Variants in CCNF observed in about 807,000 individuals in gnomAD.
The protein encoded by CCNF is cyclin F, also known as cyclin-F.
CCNF carries 30 observed loss-of-function variants against 85.4 expected under a neutral mutation model. The ratio of observed to expected loss-of-function variants is 0.35; its 90% CI spans 0.26 to 0.48. CCNF has a LOEUF of 0.48. Ranked by LOEUF, CCNF falls within the 20% of genes least tolerant of loss-of-function variation. The probability of loss-of-function intolerance (pLI) is 0.99; values close to 1 mark genes in which losing one functional copy is unlikely to be tolerated. For missense variants in CCNF, 919 were observed against 1,010.4 expected (o/e 0.91, Z 1.23); for synonymous variants, 439 against 425.1 (o/e 1.03, Z -0.40).
chr16:2,439,481 G>T, intron 7 of CCNF, 24 bp downstream of exon 7: 3 of 1,528,400 alleles, frequency 2.0e-6, no homozygotes, highest in East Asian at 2.3e-5. Context: ...GCTCTGGGTC[G>T]GGGGGAGTTA....
At position 2,456,697 on chromosome 16, in the gene CCNF, A is replaced by G; in HGVS notation, c.2038A>G (p.Thr680Ala). 6.2e-7 allele frequency: 1 copy of G among 1,613,250 alleles called. No homozygotes were observed. Among genetic ancestry groups the G allele is most frequent in the South Asian group, 1.1e-5 (1 of 91,046 alleles). The part of the protein sequence containing the change: ...ALALDTQIPA[T>A]PGPKPLVRTS... The stretch of plus-strand genomic sequence containing the variant: ...GGCGCTGGACACCCAGATCCCTGCA[A>G]CCCCTGGACCCAAACCCCTGGTCCG... Residue 680 changes from threonine to alanine, a missense_variant, in exon 17 of 17, where the codon ACC (threonine) becomes GCC (alanine). Coordinates refer to ENST00000397066, the MANE Select transcript of CCNF (RefSeq NM_001761.3). The surrounding 1 kb of genome is among the most constrained non-coding windows in gnomAD (Gnocchi z 4.5).
chr16:2,439,595 G>A, intron 7 of CCNF, 138 bp downstream of exon 7: 1 of 893,380 alleles, frequency 1.1e-6, no homozygotes, highest in East Asian at 2.6e-5. Flanking sequence ...GGGAACCACT[G>A]GTCAGTCGGC....
chr16:2,429,842 G>C (rs1484242418), intron 1 of CCNF, among the ~76,000 whole-genome samples: 1 of 152,110 alleles, frequency 6.6e-6, no homozygotes, highest in Non-Finnish European at 1.5e-5. Flanking sequence ...CCTCCTGGTC[G>C]GGGAAAGGGC....
At position 2,449,857 on chromosome 16, in the gene CCNF, C is replaced by G. The variant is rs775163061; in HGVS notation, c.1429C>G (p.Leu477Val). 6.2e-7 allele frequency: 1 copy of G among 1,613,464 alleles called. No individual in the cohort carries two copies. The highest frequency in any genetic ancestry group is 1.1e-5 in the South Asian group (1 of 91,058). ...TQPWTTQLWD[L>V]TGFSYEDLIP... Reference sequence around the variant, plus strand: ...GCCCTGGACCACTCAGCTGTGGGACCTCACCGGATTCTCCTATGAAGACCT... The same window carrying G: ...GCCCTGGACCACTCAGCTGTGGGACGTCACCGGATTCTCCTATGAAGACCT... Residue 477 changes from leucine (L) to valine (V), a missense_variant, in exon 13 of 17, where the codon CTC (leucine) becomes GTC (valine). By Grantham distance (32) the Leu-to-Val change is conservative. Around this residue, in one of 3 missense-constraint regions of CCNF, gnomAD observed 505 missense variants for 514.8 expected, o/e 0.98. Coordinates refer to ENST00000397066, the MANE Select transcript of CCNF (RefSeq NM_001761.3).
At chr16:2,445,082 G>A (rs533955457) in intron 9 of CCNF, among the ~76,000 whole-genome samples, 37 of 152,136 alleles carry the variant, frequency 2.4e-4, no homozygotes, top group African/African-American at 6.7e-4. Flanking sequence ...ATCATTTACC[G>A]TATTGGGGCA....
Position 2,438,032 on chromosome 16 carries a change from T to A in CCNF, c.541-38T>A. 3 of 1,513,356 alleles carry A rather than the reference T, an allele frequency of 2.0e-6. No individual in the cohort carries two copies. The South Asian group carries it at 3.4e-5, about 17-fold the overall frequency. The allele number at this position is 1,513,356 out of a possible 1,614,324, so 93.7% of individuals were successfully genotyped here. On this transcript the variant is annotated intron_variant, in intron 5 of 16. Transcript: ENST00000397066. Reference sequence around the variant, plus strand: ...GAGTGGTGGCCCCCGGGCAGTTCTCTGTGCTGGAAATCACACTTCTTTCTC... The same window carrying A: ...GAGTGGTGGCCCCCGGGCAGTTCTCAGTGCTGGAAATCACACTTCTTTCTC...
intron 13 of CCNF, 81 bp downstream of exon 13, chr16:2,449,996 C>G: frequency 2.0e-6 from 2 of 993,034 alleles, no homozygotes; most frequent in Non-Finnish European, 3.2e-6. Context: ...CATTTGAGGT[C>G]AGGAGTTTGA....
intron 11 of CCNF, 126 bp from the exon 12 acceptor site, chr16:2,449,156 G>A (rs755574725): frequency 6.8e-5 from 97 of 1,434,124 alleles, no homozygotes; most frequent in East Asian, 1.1e-4. Context: ...CATCTGCGCT[G>A]GTGCGCTACG....
intron 12 of CCNF, 98 bp from the exon 13 acceptor site, chr16:2,449,730 G>T: frequency 1.2e-6 from 1 of 844,822 alleles, no homozygotes. Context: ...GAGCTATAGA[G>T]CGGGAGTGTT....
In CCNF at chr16:2,449,845, C is replaced by T; in HGVS notation, c.1417C>T (p.Gln473Ter). ...CTCCCCAGCACAGCCCTGGACCACT[C>T]AGCTGTGGGACCTCACCGGATTCTC... ...THGQTQPWTT[Q>*]LWDLTGFSYE... The change falls in exon 13 of 17, where the codon CAG (glutamine) becomes TAG (stop). Residue 473 changes from glutamine to a stop codon, truncating the protein, a stop_gained. Coordinates refer to ENST00000397066, the MANE Select transcript of CCNF (RefSeq NM_001761.3). LOFTEE classifies it high-confidence loss of function. 6.2e-7 allele frequency: 1 copy of T among 1,608,594 alleles called. No homozygotes were observed. The highest frequency in any genetic ancestry group is 8.5e-7 in the Non-Finnish European group (1 of 1,177,530).
chr16:2,430,755 C>T (rs1468511032), intron 1 of CCNF, among the ~76,000 whole-genome samples: 1 of 152,184 alleles, frequency 6.6e-6, no homozygotes, highest in East Asian at 1.9e-4. Context: ...CCAGCAAAGG[C>T]CCCAGGAGTT....
chr16:2,437,959 A>C, intron 5 of CCNF, 111 bp from the exon 6 acceptor site: 8 of 652,620 alleles, frequency 1.2e-5, no homozygotes, highest in East Asian at 3.0e-5. Context: ...CAGGGGAGGG[A>C]GGGCCAGACA....
Position 2,437,241 on chromosome 16 carries a change from C to T in CCNF, c.459C>T (p.Ile153=). Reference sequence around the variant, plus strand: ...CCGCACCTTTCATCTGGCTCTTCATCCGCCCTCCGTGGTCGGTGAGCGGAA... The same window carrying T: ...CCGCACCTTTCATCTGGCTCTTCATTCGCCCTCCGTGGTCGGTGAGCGGAA... ...VGAAPFIWLF[I]RPPWSVSGSC... The change falls in exon 5 of 17, where the codon ATC becomes ATT. Residue 153 remains isoleucine (I), a synonymous_variant. Transcript: ENST00000397066. 1.9e-6 allele frequency: 3 copies of T among 1,612,434 alleles called. No individual in the cohort carries two copies. Among genetic ancestry groups the T allele is most frequent in the East Asian group, 4.5e-5 (2 of 44,850 alleles).
intron 16 of CCNF, 90 bp downstream of exon 16, chr16:2,455,654 G>T (rs758432974): frequency 1.4e-6 from 2 of 1,461,866 alleles, no homozygotes; most frequent in Non-Finnish European, 1.8e-6. Flanking sequence ...CTGTGCGAGC[G>T]CTGTGGGAGG....
chr16:2,448,984 C>CAGCG lies in CCNF; in HGVS notation c.1218+7_1218+10dup, dbSNP rs1567388982. ...CCTTGGAAGGGAAGATTCGAGTAAG[C>CAGCG]AGCGGTTCCATTTTCCTTATTAATC... On this transcript the variant is annotated splice_region_variant and intron_variant, in intron 11 of 16. Transcript: ENST00000397066. 6.2e-7 allele frequency: 1 copy of CAGCG among 1,613,052 alleles called. No homozygotes were observed. Among genetic ancestry groups the CAGCG allele is most frequent in the South Asian group, 1.1e-5 (1 of 91,026 alleles).
intron 2 of CCNF, 148 bp downstream of exon 2, chr16:2,431,432 C>T (rs749899048): frequency 1.3e-6 from 1 of 798,542 alleles, no homozygotes; most frequent in Non-Finnish European, 1.9e-6. Flanking sequence ...AATCCTAGCA[C>T]TTTGGGAGGC....
rs1034585154 is a variant in CCNF at position 2,451,475 on chromosome 16, C to T, written c.1487+1560C>T. On this transcript the variant is annotated intron_variant, in intron 13 of 16. Transcript: ENST00000397066. This position sits in a 1 kb window ranked among gnomAD's most constrained non-coding sequence, Gnocchi z 4.3. ...TCACAGACTTGCTCCTCCCACCTCTCGGCACCCCCACTCCCTGGTCTCCCA... is the reference window on the plus strand; with the variant it reads ...TCACAGACTTGCTCCTCCCACCTCTTGGCACCCCCACTCCCTGGTCTCCCA... Among the ~76,000 whole-genome samples, 3 of 152,206 alleles carry T rather than the reference C, an allele frequency of 2.0e-5. No homozygotes were observed. Among genetic ancestry groups the T allele is most frequent in the African/African-American group, 7.2e-5 (3 of 41,442 alleles).
intron 9 of CCNF, among the ~76,000 whole-genome samples, chr16:2,444,246 C>G (rs986045947): frequency 2.0e-5 from 3 of 150,602 alleles, no homozygotes; most frequent in African/African-American, 4.9e-5. Flanking sequence ...CCAGTAATGC[C>G]AAAGTTATCG....
intron 10 of CCNF, among the ~76,000 whole-genome samples, chr16:2,446,816 G>GCCCTTGT (rs2065364665): frequency 6.6e-6 from 1 of 152,220 alleles, no homozygotes; most frequent in African/African-American, 2.4e-5. Flanking sequence ...CTAGGGTGCT[G>GCCCTTGT]CCCTTGTCCC....
Sources: allele counts gnomAD v4.1 joint callset (sites outside exome capture counted in the v4.1 genomes callset), GRCh38; gene constraint gnomAD v4.1.1; regional missense constraint gnomAD v4.1.1; non-coding constraint Gnocchi (gnomAD v3.1); transcripts MANE v1.5; gene names NCBI Gene and HGNC (gene_info 2026-07-23, HGNC 2026-07-21).